The following SRGAP1 variants were observed in gnomAD, a reference collection of about 807,000 sequenced individuals.
The protein encoded by SRGAP1 is SLIT-ROBO Rho GTPase-activating protein 1.
Under a neutral mutation model 121.9 loss-of-function variants are expected in SRGAP1, and 43 were observed. That is an observed-to-expected ratio of 0.35 (90% confidence interval 0.28 to 0.46). The LOEUF is 0.46. Among genes scored for constraint, SRGAP1 ranks in the 20% least tolerant of loss-of-function variants. The pLI is 1.00. For synonymous variants in SRGAP1, 447 were observed against 485.4 expected (o/e 0.92, Z 1.04); for missense variants, 1,102 against 1,350.9 (o/e 0.82, Z 2.89).
chr12:64,109,076 TTCTG>T (rs753063284), intron 16 of SRGAP1, 39 bp downstream of exon 16: 151 of 1,365,056 alleles, frequency 1.1e-4, no homozygotes, highest in Non-Finnish European at 1.4e-4. Flanking sequence ...CCCATCTGAA[TTCTG>T]TCTTTGTTCT....
At chr12:64,037,467 C>G (rs2034926164) in intron 4 of SRGAP1, among the ~76,000 whole-genome samples, 1 of 152,248 alleles carries the variant, frequency 6.6e-6, no homozygotes, top group African/African-American at 2.4e-5. Context: ...CATGTTATTA[C>G]TAAGACACTG....
At chr12:63,924,529 G>A (rs1389707361) in intron 1 of SRGAP1, among the ~76,000 whole-genome samples, 2 of 152,106 alleles carry the variant, frequency 1.3e-5, no homozygotes. Context: ...AACACCAATA[G>A]CTAGTTTACT....
At chr12:64,086,944 A>G (rs1208784528) in intron 10 of SRGAP1, 55 bp from the exon 11 acceptor site, 2 of 1,349,568 alleles carry the variant, frequency 1.5e-6, no homozygotes, top group Non-Finnish European at 1.1e-6. Context: ...AAAGAGTACC[A>G]CATACACTCT....
chr12:63,863,369 T>C (rs1489275722), intron 1 of SRGAP1, among the ~76,000 whole-genome samples: 2 of 150,432 alleles, frequency 1.3e-5, no homozygotes, highest in African/African-American at 4.9e-5. Flanking sequence ...GCCTCCTGGG[T>C]TCAAGCAATT....
chr12:64,128,891 A>T (rs184911494), intron 21 of SRGAP1, among the ~76,000 whole-genome samples: 1 of 152,286 alleles, frequency 6.6e-6, no homozygotes, highest in East Asian at 1.9e-4. Flanking sequence ...GTAAAAGGGA[A>T]ACAATACTAA....
chr12:63,879,477 A>G (rs188826162), intron 1 of SRGAP1: 1 of 152,166 alleles, frequency 6.6e-6, no homozygotes, highest in East Asian at 1.9e-4. Flanking sequence ...ATTAATATTA[A>G]AAAAGAAAAA....
intron 21 of SRGAP1, among the ~76,000 whole-genome samples, chr12:64,129,017 A>G (rs2036743358): frequency 6.6e-6 from 1 of 152,144 alleles, no homozygotes; most frequent in Non-Finnish European, 1.5e-5. Flanking sequence ...TAATCCCAAC[A>G]CTTTAGGAGG....
At position 64,149,414 on chromosome 12, in the gene SRGAP1, T is replaced by C. The variant is rs936348060; in HGVS notation, c.*6742T>C. 6.6e-6 allele frequency: 1 copy of C among 152,210 alleles called. No homozygotes were observed. Among genetic ancestry groups the C allele is most frequent in the Non-Finnish European group, 1.5e-5 (1 of 68,056 alleles). The allele number at this position is 152,210 out of a possible 1,614,324, so 9.4% of individuals were successfully genotyped here. A position where few individuals can be genotyped will look rare whatever the true frequency, so the allele number is the denominator to read the frequency against. On this transcript the variant is annotated 3_prime_UTR_variant, in exon 22 of 22. Transcript: ENST00000355086. ...GATGCTTTTTCTTCAATGCCTACTT[T>C]AGGACCACAGAGTTGGATTTAGAGG...
rs2037023362 is a variant in SRGAP1 at position 64,144,778 on chromosome 12, C to T, written c.*2106C>T. On this transcript the variant is annotated 3_prime_UTR_variant, in exon 22 of 22. Transcript: ENST00000355086. ...GACTGAGCTTTGAATAGCACTAGCC[C>T]TTTTAAACAATCCTCACAAATTCCT... is the stretch of plus-strand genomic sequence containing the variant. The T allele has an allele frequency of 1.3e-5, 2 of 150,468 alleles. No individual in the cohort carries two copies. The highest frequency in any genetic ancestry group is 6.7e-5 in the Admixed American group (1 of 15,012). 9.3% of individuals were successfully genotyped at this position (150,468 alleles called of 1,614,324 possible).
intron 15 of SRGAP1, among the ~76,000 whole-genome samples, chr12:64,098,327 C>A (rs954442618): frequency 1.3e-5 from 2 of 151,836 alleles, no homozygotes; most frequent in Admixed American, 6.6e-5. Flanking sequence ...ACCCCTACCC[C>A]CTGGCCCTGC....
intron 1 of SRGAP1, among the ~76,000 whole-genome samples, chr12:63,979,665 T>G (rs1268447600): frequency 6.6e-6 from 1 of 152,184 alleles, no homozygotes; most frequent in African/African-American, 2.4e-5. Flanking sequence ...ACCTGTGTCT[T>G]ACAAACCTTT....
chr12:64,005,645 CTT>C (rs1375847902), intron 3 of SRGAP1, among the ~76,000 whole-genome samples: 1 of 151,382 alleles, frequency 6.6e-6, no homozygotes, highest in Non-Finnish European at 1.5e-5. Flanking sequence ...GACCCTGTCT[CTT>C]AAAAAAAAAT....
At chr12:64,086,579 C>T (rs1351363561) in intron 10 of SRGAP1, among the ~76,000 whole-genome samples, 1 of 152,118 alleles carries the variant, frequency 6.6e-6, no homozygotes, top group Non-Finnish European at 1.5e-5. Context: ...ACCCTCCCAA[C>T]TGTATTTGAA....
chr12:64,114,152 T>C (rs543507888), intron 17 of SRGAP1, among the ~76,000 whole-genome samples: 50 of 152,276 alleles, frequency 3.3e-4, no homozygotes, highest in South Asian at 2.9e-3. Context: ...TGTAGTATAT[T>C]CACCAACTTT....
At position 64,053,483 on chromosome 12, in the gene SRGAP1, A is replaced by G. The variant is rs150839989; in HGVS notation, c.802-9434A>G. ...GAGTGCTTCTCCTCTGTCTCTGAAG[A>G]AAGTCCTAAATAAATTTTAATTTGT... On this transcript the variant is annotated intron_variant, in intron 6 of 21. Coordinates refer to ENST00000355086, the MANE Select transcript of SRGAP1 (RefSeq NM_020762.4). Among the ~76,000 whole-genome samples the G allele has an allele frequency of 5.8e-3, 885 of 152,360 alleles. 5 individuals are homozygous for G. The highest frequency in any genetic ancestry group is 8.2e-3 in the Non-Finnish European group (558 of 68,038).
intron 9 of SRGAP1, 116 bp from the exon 10 acceptor site, chr12:64,080,170 G>C: frequency 1.4e-6 from 1 of 739,166 alleles, no homozygotes; most frequent in Non-Finnish European, 2.1e-6. Context: ...TTGAACCCCA[G>C]AGGAAGAGGT....
chr12:64,028,347 TG>T (rs1196869875), intron 4 of SRGAP1, among the ~76,000 whole-genome samples: 2 of 152,246 alleles, frequency 1.3e-5, no homozygotes, highest in Admixed American at 1.3e-4. Context: ...TTTGTTGACT[TG>T]TTGGGCATGA....
In SRGAP1 at chr12:64,126,175, T is replaced by C. The variant is rs1200211214; in HGVS notation, c.2405+18T>C. 2 of 1,604,804 alleles carry C rather than the reference T, an allele frequency of 1.2e-6. No homozygotes were observed. The highest frequency in any genetic ancestry group is 1.3e-5 in the African/African-American group (1 of 74,760). Reference sequence around the variant, plus strand: ...CAGGATATGTGAGTAGTCTCAACTTTGATTGCCTGAGTGCTCCCAATAGAG... The same window carrying C: ...CAGGATATGTGAGTAGTCTCAACTTCGATTGCCTGAGTGCTCCCAATAGAG... On this transcript the variant is annotated intron_variant, in intron 19 of 21. Coordinates refer to ENST00000355086, the MANE Select transcript of SRGAP1 (RefSeq NM_020762.4).
At chr12:63,957,668 T>C (rs2032513584) in intron 1 of SRGAP1, among the ~76,000 whole-genome samples, 1 of 152,054 alleles carries the variant, frequency 6.6e-6, no homozygotes, top group South Asian at 2.1e-4. Context: ...ATATGGGAAC[T>C]GAGAGAGAGC....
Sources: allele counts gnomAD v4.1 joint callset (sites outside exome capture counted in the v4.1 genomes callset), GRCh38; gene constraint gnomAD v4.1.1; transcripts MANE v1.5; gene names NCBI Gene and HGNC (gene_info 2026-07-23, HGNC 2026-07-21).